Variants in SYN3 observed in about 807,000 individuals in gnomAD.
The protein encoded by SYN3 is synapsin III, also known as synapsin-3.
In SYN3, 35 loss-of-function variants were observed where a neutral mutation model predicts 65.8. The observed-to-expected ratio is 0.53, with a 90% confidence interval of 0.41 to 0.70. The LOEUF is 0.70. Ranked by LOEUF, SYN3 falls within the 30% of genes least tolerant of loss-of-function variation. The probability of loss-of-function intolerance (pLI) is 0.00; values close to 1 mark genes in which losing one functional copy is unlikely to be tolerated. For missense variants in SYN3, 680 were observed against 749.0 expected, an observed-to-expected ratio of 0.91 and a Z score of 1.08; for synonymous variants, 270 against 292.9, an observed-to-expected ratio of 0.92 and a Z score of 0.80.
chr22:33,039,671 G>T (rs1187057326), intron 1 of SYN3, among the ~76,000 whole-genome samples: 1 of 152,034 alleles, frequency 6.6e-6, no homozygotes, highest in East Asian at 1.9e-4. Context: ...CTCCCAAAAT[G>T]CTGGGATTAC....
At chr22:32,987,016 C>T (rs1234688866) in intron 2 of SYN3, among the ~76,000 whole-genome samples, 1 of 151,934 alleles carries the variant, frequency 6.6e-6, no homozygotes, top group Admixed American at 6.6e-5. Flanking sequence ...GCAGCAGGGG[C>T]AGAAGAAGGG....
At chr22:32,685,470 A>G (rs1007482929) in intron 6 of SYN3, among the ~76,000 whole-genome samples, 18 of 152,368 alleles carry the variant, frequency 1.2e-4, no homozygotes, top group African/African-American at 4.1e-4. Flanking sequence ...GAGCTGCCCT[A>G]TACAGGTGTA....
intron 4 of SYN3, among the ~76,000 whole-genome samples, chr22:32,898,054 G>A (rs2049647396): frequency 6.6e-6 from 1 of 152,044 alleles, no homozygotes; most frequent in Non-Finnish European, 1.5e-5. Context: ...GGAGTGCAAT[G>A]GTGCAATCTT....
intron 2 of SYN3, among the ~76,000 whole-genome samples, chr22:32,998,893 T>C (rs1005574263): frequency 1.3e-5 from 2 of 151,846 alleles, no homozygotes; most frequent in African/African-American, 4.8e-5. Context: ...CAAGATTTTA[T>C]ACAGAAGTGA....
At chr22:32,860,178 G>A (rs1385249871) in intron 6 of SYN3, 1 of 152,202 alleles carries the variant, frequency 6.6e-6, no homozygotes, top group Non-Finnish European at 1.5e-5. Context: ...GTGAAAGACT[G>A]AGATGAATGT....
Position 32,509,313 on chromosome 22 carries a change from T to A in SYN3, c.*4379A>T, listed in dbSNP as rs2057665619. Among the ~76,000 whole-genome samples, 2 of 152,162 alleles carry A rather than the reference T, an allele frequency of 1.3e-5. No individual in the cohort carries two copies. The highest frequency in any genetic ancestry group is 1.3e-4 in the Admixed American group (2 of 15,284). On this transcript the variant is annotated 3_prime_UTR_variant, in exon 14 of 14. Transcript: ENST00000358763. ...TCAGCTTGGAGGGAAAATGCTAGCC[T>A]CTCTCTGGCTCAAAGTTGTGAAACA... is the stretch of plus-strand genomic sequence containing the variant.
chr22:33,015,840 CTTTTCT>C (rs1192364815), intron 1 of SYN3, among the ~76,000 whole-genome samples: 5 of 139,984 alleles, frequency 3.6e-5, no homozygotes, highest in Non-Finnish European at 7.6e-5. Flanking sequence ...GGCAAATTTT[CTTTTCT>C]TTTTTTTTTT....
intron 6 of SYN3, among the ~76,000 whole-genome samples, chr22:32,854,428 G>A (rs2048307698): frequency 6.6e-6 from 1 of 152,154 alleles, no homozygotes; most frequent in Non-Finnish European, 1.5e-5. Flanking sequence ...CGAAGCACTA[G>A]GGCAGTCAAG....
intron 4 of SYN3, among the ~76,000 whole-genome samples, chr22:32,887,942 G>T (rs1299646462): frequency 6.6e-6 from 1 of 152,122 alleles, no homozygotes; most frequent in East Asian, 1.9e-4. Flanking sequence ...TTCCAAAGAG[G>T]CTGCACCACG....
intron 7 of SYN3, among the ~76,000 whole-genome samples, chr22:32,584,428 C>T (rs942515960): frequency 3.3e-5 from 5 of 152,146 alleles, no homozygotes; most frequent in African/African-American, 1.2e-4. Context: ...GATGTGTGCC[C>T]CACTTCTGTC....
chr22:32,532,398 C>T (rs977405543), intron 10 of SYN3, among the ~76,000 whole-genome samples: 1 of 152,294 alleles, frequency 6.6e-6, no homozygotes, highest in Non-Finnish European at 1.5e-5. Context: ...GTCAAGGAGT[C>T]TGTTCCCAGC....
intron 9 of SYN3, among the ~76,000 whole-genome samples, chr22:32,537,691 T>C (rs968968722): frequency 2.6e-5 from 4 of 152,198 alleles, no homozygotes; most frequent in Admixed American, 1.3e-4. Flanking sequence ...CAGGGCTTCC[T>C]GACCTCTTCC....
intron 4 of SYN3, among the ~76,000 whole-genome samples, chr22:32,908,571 C>T (rs1165355883): frequency 6.6e-6 from 1 of 152,078 alleles, no homozygotes; most frequent in Non-Finnish European, 1.5e-5. Context: ...ATACCTTTAA[C>T]CACAGATTGG....
At chr22:32,868,037 G>A (rs1189970211) in intron 5 of SYN3, among the ~76,000 whole-genome samples, 1 of 152,204 alleles carries the variant, frequency 6.6e-6, no homozygotes, top group African/African-American at 2.4e-5. Flanking sequence ...ACCACTCACT[G>A]AGCAAGTTCC....
rs147086168 is a variant in SYN3 at position 32,996,876 on chromosome 22, C to T, written c.311+9476G>A. Among the ~76,000 whole-genome samples the T allele has an allele frequency of 8.7e-3, 1,323 of 152,288 alleles. 13 individuals are homozygous for T. Among genetic ancestry groups the T allele is most frequent in the Middle Eastern group, 0.031 (9 of 294 alleles). ...CGGGGCTGCCTGGCTCGAGGTGGGG[C>T]GCCTTCTTCTGAGGGTGAGGTCACC... is the stretch of plus-strand genomic sequence containing the variant. On this transcript the variant is annotated intron_variant, in intron 2 of 13. Coordinates refer to ENST00000358763, the MANE Select transcript of SYN3 (RefSeq NM_003490.4).
At chr22:32,823,629 G>A (rs930182393) in intron 6 of SYN3, among the ~76,000 whole-genome samples, 11 of 152,324 alleles carry the variant, frequency 7.2e-5, no homozygotes, top group African/African-American at 1.9e-4. Context: ...TTAGGGGGCC[G>A]TGAGTGCAGG....
At chr22:32,684,526 A>G (rs2060565260) in intron 6 of SYN3, among the ~76,000 whole-genome samples, 1 of 152,216 alleles carries the variant, frequency 6.6e-6, no homozygotes, top group African/African-American at 2.4e-5. Flanking sequence ...CTCTTTTCTA[A>G]AACAGCAACC....
rs1196593198 is a variant in SYN3, at chr22:32,510,982, GGCGTGTGT to G, written c.*2702_*2709del. 2.9e-5 allele frequency among the ~76,000 whole-genome samples: 3 copies of G among 102,300 alleles called. No homozygotes were observed. The highest frequency in any genetic ancestry group is 1.3e-4 in the African/African-American group (3 of 22,946). The allele number at this position is 102,300 out of a possible 152,430, so 67.1% of individuals were successfully genotyped here. A position where few individuals can be genotyped will look rare whatever the true frequency, so the allele number is the denominator to read the frequency against. ...TTTGTCAATTCCAAGTTATTGTCCA[GGCGTGTGT>G]GTGTGTGTGTGTGTGTGTGTGTGTG... On this transcript the variant is annotated 3_prime_UTR_variant, in exon 14 of 14. Transcript: ENST00000358763.
chr22:32,514,706 G>C (rs1044353803), intron 13 of SYN3: 4 of 152,214 alleles, frequency 2.6e-5, no homozygotes, highest in African/African-American at 9.7e-5. Flanking sequence ...ATGTGATGCT[G>C]TCATCACATT....
Sources: allele counts gnomAD v4.1 joint callset (sites outside exome capture counted in the v4.1 genomes callset), GRCh38; gene constraint gnomAD v4.1.1; transcripts MANE v1.5; gene names NCBI Gene and HGNC (gene_info 2026-07-23, HGNC 2026-07-21).